SRGAP2B: variants seen among roughly 807,000 people sequenced by gnomAD.
The protein encoded by SRGAP2B is SLIT-ROBO Rho GTPase activating protein 2B, also known as SLIT-ROBO Rho GTPase-activating protein 2B.
A neutral mutation model predicts 22.2 loss-of-function variants in SRGAP2B; 9 were observed. That is an observed-to-expected ratio of 0.41 (90% CI 0.24 to 0.71). The LOEUF is 0.71. Ranked by LOEUF, SRGAP2B falls within the 30% of genes least tolerant of loss-of-function variation. The pLI, the probability that SRGAP2B is intolerant of heterozygous loss-of-function variation, is 0.35. For missense variants in SRGAP2B, 114 were observed against 235.8 expected, an observed-to-expected ratio of 0.48 and a Z score of 3.38; for synonymous variants, 36 against 87.4, an observed-to-expected ratio of 0.41 and a Z score of 3.28.
At chr1:145,066,705 G>A (rs1246148589) in intron 2 of SRGAP2B, among the ~76,000 whole-genome samples, 3 of 151,944 alleles carry the variant, frequency 2.0e-5, no homozygotes, top group African/African-American at 2.4e-5. Context: ...GAGCACAGAC[G>A]CTGAACGCAG....
chr1:144,915,035 C>A (rs1663757146), intron 4 of SRGAP2B, among the ~76,000 whole-genome samples: 4 of 132,338 alleles, frequency 3.0e-5, no homozygotes, highest in Non-Finnish European at 6.4e-5. Context: ...CCCCAAAGAG[C>A]AGGCCTGAAA....
chr1:145,012,324 G>A (rs1672115389), intron 2 of SRGAP2B, among the ~76,000 whole-genome samples: 1 of 148,406 alleles, frequency 6.7e-6, no homozygotes, highest in South Asian at 2.1e-4. Context: ...TTTGGGTGAT[G>A]GGATTTGGAA....
chr1:144,976,529 T>C (rs1553614213), intron 3 of SRGAP2B, among the ~76,000 whole-genome samples: 1 of 143,206 alleles, frequency 7.0e-6, no homozygotes, highest in East Asian at 2.0e-4. Flanking sequence ...TTAGCATCCA[T>C]GGCTTCTAAA....
At chr1:145,082,501 CA>C (rs1295175917) in intron 2 of SRGAP2B, among the ~76,000 whole-genome samples, 2 of 149,486 alleles carry the variant, frequency 1.3e-5, no homozygotes, top group Non-Finnish European at 3.0e-5. Context: ...GACAAATGTA[CA>C]ATGTGTTTTT....
At chr1:144,983,129 G>T (rs1669431083) in intron 3 of SRGAP2B, among the ~76,000 whole-genome samples, 2 of 148,054 alleles carry the variant, frequency 1.4e-5, no homozygotes, top group Admixed American at 6.6e-5. Flanking sequence ...CCTCCCGGGA[G>T]CTTCATGTTT....
At chr1:144,983,910 A>C (rs1553615400) in intron 3 of SRGAP2B, among the ~76,000 whole-genome samples, 2 of 150,706 alleles carry the variant, frequency 1.3e-5, no homozygotes, top group Non-Finnish European at 2.9e-5. Flanking sequence ...CATTTTGTCA[A>C]CTACTAGAAA....
intron 3 of SRGAP2B, among the ~76,000 whole-genome samples, chr1:144,975,223 C>T (rs1378493596): frequency 1.3e-5 from 2 of 148,386 alleles, no homozygotes; most frequent in Non-Finnish European, 2.9e-5. Context: ...GAGAGGAAAA[C>T]ATTAAATACA....
intron 2 of SRGAP2B, among the ~76,000 whole-genome samples, chr1:144,999,013 G>A (rs1670921848): frequency 6.6e-6 from 1 of 150,744 alleles, no homozygotes; most frequent in Non-Finnish European, 1.5e-5. Context: ...AAAGAAGAAA[G>A]AGGCAATTTA....
chr1:144,986,359 C>A (rs1316651929), intron 3 of SRGAP2B, among the ~76,000 whole-genome samples: 1 of 136,542 alleles, frequency 7.3e-6, no homozygotes, highest in Admixed American at 7.3e-5. Context: ...GCTACAGCTC[C>A]GGGGGAGGTG....
At chr1:144,953,870 G>A (rs1553609812) in intron 4 of SRGAP2B, among the ~76,000 whole-genome samples, 1 of 150,224 alleles carries the variant, frequency 6.7e-6, no homozygotes, top group African/African-American at 2.5e-5. Flanking sequence ...AAACGGAGGA[G>A]GAAACTATCA....
At chr1:144,970,706 T>A (rs1157699276) in intron 3 of SRGAP2B, among the ~76,000 whole-genome samples, 7 of 149,512 alleles carry the variant, frequency 4.7e-5, no homozygotes, top group African/African-American at 1.8e-4. Context: ...TATGGAATTA[T>A]CAGCAGTTTA....
At chr1:144,970,399 A>C (rs1553613048) in intron 3 of SRGAP2B, among the ~76,000 whole-genome samples, 4 of 119,608 alleles carry the variant, frequency 3.3e-5, no homozygotes, top group African/African-American at 1.4e-4. Context: ...TCGCAAGAAC[A>C]AAAAACCAAA....
intron 4 of SRGAP2B, among the ~76,000 whole-genome samples, chr1:144,943,468 T>C (rs1197860120): frequency 9.9e-5 from 15 of 151,716 alleles, no homozygotes; most frequent in African/African-American, 3.2e-4. Flanking sequence ...TTTTAAATTT[T>C]CTATAACATA....
chr1:144,911,510 A>G (rs1390075024), intron 5 of SRGAP2B, among the ~76,000 whole-genome samples: 5 of 148,646 alleles, frequency 3.4e-5, no homozygotes, highest in African/African-American at 1.3e-4. Context: ...ACTCTTCAGT[A>G]CTAGGCAAAG....
At chr1:145,081,632 C>G (rs1311650190) in intron 2 of SRGAP2B, among the ~76,000 whole-genome samples, 1 of 148,632 alleles carries the variant, frequency 6.7e-6, no homozygotes, top group Non-Finnish European at 1.5e-5. Context: ...ACTCATCTGA[C>G]AAGCTCTGGT....
chr1:145,027,006 T>C (rs1280123001), intron 2 of SRGAP2B, among the ~76,000 whole-genome samples: 2 of 118,100 alleles, frequency 1.7e-5, no homozygotes, highest in African/African-American at 3.5e-5. Context: ...TCTATGCTTT[T>C]TTTAATTTTT....
chr1:144,915,336 A>C (rs1243162313), intron 4 of SRGAP2B, among the ~76,000 whole-genome samples: 1 of 150,680 alleles, frequency 6.6e-6, no homozygotes. Flanking sequence ...ATATATGTTA[A>C]GGGGTCTCCA....
chr1:144,916,133 A>G (rs1449579577), intron 4 of SRGAP2B, among the ~76,000 whole-genome samples: 1 of 150,506 alleles, frequency 6.6e-6, no homozygotes, highest in Non-Finnish European at 1.5e-5. Context: ...GGAAACTAGA[A>G]ACCTCAAAAA....
chr1:144,965,550 C>G (rs1244377947), intron 3 of SRGAP2B, among the ~76,000 whole-genome samples: 1 of 143,934 alleles, frequency 6.9e-6, no homozygotes, highest in Non-Finnish European at 1.5e-5. Context: ...AAAAACAGAA[C>G]AGAAAAACTG....
Sources: gnomAD v4.1 joint callset for allele counts (sites outside exome capture counted in the v4.1 genomes callset) on GRCh38, gnomAD v4.1.1 for gene constraint, MANE v1.5 for transcripts, NCBI Gene and HGNC (gene_info 2026-07-23, HGNC 2026-07-21) for gene names.